Variants in ARID2 observed in about 807,000 individuals in gnomAD.
The protein encoded by ARID2 is AT-rich interactive domain-containing protein 2.
Under a neutral mutation model 184.6 loss-of-function variants are expected in ARID2, and 32 were observed. That is an observed-to-expected ratio of 0.17 (90% CI 0.13 to 0.23). The LOEUF (loss-of-function observed/expected upper bound fraction) is 0.23. Ranked by LOEUF, ARID2 falls within the 10% of genes least tolerant of loss-of-function variation. ARID2 has a pLI of 1.00. For synonymous variants in ARID2, 836 were observed against 772.6 expected (o/e 1.08, Z -1.36); for missense variants, 1,696 against 2,197.6 (o/e 0.77, Z 4.56).
intron 2 of ARID2, among the ~76,000 whole-genome samples, 165 bp from the exon 3 acceptor site, chr12:45,731,052 G>C (rs193164625): frequency 1.3e-5 from 2 of 151,924 alleles, no homozygotes; most frequent in Admixed American, 1.3e-4. Context: ...TGAAAACACA[G>C]TGATTCAAGA....
intron 4 of ARID2, among the ~76,000 whole-genome samples, chr12:45,812,197 C>T (rs573454309): frequency 9.3e-5 from 14 of 150,332 alleles, no homozygotes; most frequent in Non-Finnish European, 1.5e-4. Flanking sequence ...CACTCACTAA[C>T]ATTTGGCCTA....
Position 45,901,154 on chromosome 12 carries a change from A to ATTTTTTTTTTT in ARID2, c.5364-3756_5364-3746dup, listed in dbSNP as rs71067909. On this transcript the variant is annotated intron_variant, in intron 20 of 20. Coordinates refer to ENST00000334344, the MANE Select transcript of ARID2 (RefSeq NM_152641.4). ...AATCTATTTTTTGGAAATTTCCTTAATTTTTTTTTTTTTTTTTTTTTTTTT... is the reference window on the plus strand; with the variant it reads ...AATCTATTTTTTGGAAATTTCCTTAATTTTTTTTTTTTTTTTTTTTTTTTTTTTTTTTTTTT... 1.3e-3 allele frequency among the ~76,000 whole-genome samples: 58 copies of ATTTTTTTTTTT among 44,966 alleles called. 4 individuals carry two copies. The highest frequency in any genetic ancestry group is 2.0e-3 in the African/African-American group (14 of 7,160). The allele number at this position is 44,966 out of a possible 152,430, so 29.5% of individuals were successfully genotyped here.
At chr12:45,779,773 C>T (rs1942055265) in intron 3 of ARID2, among the ~76,000 whole-genome samples, 1 of 151,912 alleles carries the variant, frequency 6.6e-6, no homozygotes, top group Non-Finnish European at 1.5e-5. Context: ...TGAAATAAAG[C>T]AGCTTTAAAA....
At chr12:45,782,194 A>G (rs1411879985) in intron 3 of ARID2, among the ~76,000 whole-genome samples, 2 of 152,196 alleles carry the variant, frequency 1.3e-5, no homozygotes, top group African/African-American at 4.8e-5. Flanking sequence ...TAAAAATAGA[A>G]TATTCACTAG....
At position 45,836,639 on chromosome 12, in the gene ARID2, C is replaced by T. The variant is rs1943225003; in HGVS notation, c.756C>T (p.Asp252=). 2 of 1,610,656 alleles carry T rather than the reference C, an allele frequency of 1.2e-6. No homozygotes were observed. Among genetic ancestry groups the T allele is most frequent in the African/African-American group, 1.3e-5 (1 of 74,786 alleles). ...DDNEVRDLIS[D]RNKSHEGTSG... ...ATGAAGTTCGTGACCTCATTTCTGA[C>T]AGAAACAAGTCTCATGGTAAGTTAG... The change falls in exon 7 of 21, where the codon GAC becomes GAT. Residue 252 remains aspartate, a synonymous_variant. Coordinates refer to ENST00000334344, the MANE Select transcript of ARID2 (RefSeq NM_152641.4).
At chr12:45,869,236 C>T (rs1316470645) in intron 16 of ARID2, among the ~76,000 whole-genome samples, 5 of 151,996 alleles carry the variant, frequency 3.3e-5, no homozygotes, top group African/African-American at 4.8e-5. Flanking sequence ...AGGCTGGTCT[C>T]GAACTCCTGA....
chr12:45,847,534 A>C, intron 12 of ARID2, among the ~76,000 whole-genome samples: 1 of 152,088 alleles, frequency 6.6e-6, no homozygotes, highest in East Asian at 1.9e-4. Context: ...TAAAAATTTC[A>C]CTTGTTATGG....
At chr12:45,801,516 A>G (rs1310645058) in intron 3 of ARID2, among the ~76,000 whole-genome samples, 1 of 152,206 alleles carries the variant, frequency 6.6e-6, no homozygotes, top group Admixed American at 6.5e-5. Flanking sequence ...CAACCTTAAC[A>G]ACAAAGTAAT....
rs577114008 is a variant in ARID2, at chr12:45,855,138, T to C, written c.4773+2242T>C. Among the ~76,000 whole-genome samples, 5 of 152,346 alleles carry C rather than the reference T, an allele frequency of 3.3e-5. No individual in the cohort carries two copies. In the South Asian group the frequency reaches 1.0e-3, roughly 32 times the overall value. ...ATTAAATGATCATTTTAGGACATTA[T>C]TGCTAAAACTCATTGGTTATTTGAG... is the stretch of plus-strand genomic sequence containing the variant. On this transcript the variant is annotated intron_variant, in intron 15 of 20. Transcript: ENST00000334344.
chr12:45,821,197 G>T (rs955527937), intron 5 of ARID2, among the ~76,000 whole-genome samples: 1 of 151,898 alleles, frequency 6.6e-6, no homozygotes, highest in Admixed American at 6.6e-5. Flanking sequence ...TTATGAAAAA[G>T]AGTCTATATT....
rs2138177310 is a variant in ARID2, at chr12:45,852,260, TA to T, written c.4141del (p.Thr1381LeufsTer5). Reference sequence around the variant, plus strand: ...ATTTAAGCAAAAACATTCCAAATCATAAAACTTCCAATCATGTAGGAAATGG... The same window carrying T: ...ATTTAAGCAAAAACATTCCAAATCATAAACTTCCAATCATGTAGGAAATGG... ...SHLSKNIPNHKTSNHVGNGEI... is the reference protein window; with the variant it reads ...SHLSKNIPNHXTSNHVGNGEI... On this transcript the variant is annotated frameshift_variant, in exon 15 of 21. Coordinates refer to ENST00000334344, the MANE Select transcript of ARID2 (RefSeq NM_152641.4). LOFTEE classifies it high-confidence loss of function. The T allele has an allele frequency of 6.2e-7, 1 of 1,614,064 alleles. No homozygotes were observed. The highest frequency in any genetic ancestry group is 8.5e-7 in the Non-Finnish European group (1 of 1,179,986).
At chr12:45,794,143 C>A (rs188708417) in intron 3 of ARID2, among the ~76,000 whole-genome samples, 123 of 152,240 alleles carry the variant, frequency 8.1e-4, no homozygotes, top group African/African-American at 2.8e-3. Context: ...AATCAGAACA[C>A]GTTTCTGTTC....
chr12:45,872,670 C>T (rs553348059), intron 16 of ARID2, among the ~76,000 whole-genome samples: 13 of 152,188 alleles, frequency 8.5e-5, no homozygotes, highest in Non-Finnish European at 1.3e-4. Context: ...AACAGCAGCA[C>T]GGGCGTAACC....
intron 3 of ARID2, among the ~76,000 whole-genome samples, chr12:45,756,692 C>A (rs180836335): frequency 1.2e-4 from 18 of 152,312 alleles, no homozygotes; most frequent in African/African-American, 3.8e-4. Flanking sequence ...GGAGGCTGGG[C>A]ACAGTGGCTC....
chr12:45,780,037 G>C (rs1301251643), intron 3 of ARID2, among the ~76,000 whole-genome samples: 2 of 152,172 alleles, frequency 1.3e-5, no homozygotes, highest in African/African-American at 4.8e-5. Flanking sequence ...GATTGTGAAA[G>C]TTAATACATG....
At chr12:45,743,352 G>A (rs1941298717) in intron 3 of ARID2, among the ~76,000 whole-genome samples, 1 of 152,066 alleles carries the variant, frequency 6.6e-6, no homozygotes, top group African/African-American at 2.4e-5. Context: ...CTGGGTGACT[G>A]AGCAAGACTC....
intron 16 of ARID2, among the ~76,000 whole-genome samples, chr12:45,888,905 G>A (rs1226301270): frequency 1.3e-5 from 2 of 152,088 alleles, no homozygotes; most frequent in African/African-American, 2.4e-5. Context: ...TTGTACAAAG[G>A]GGCTGGGCTT....
At chr12:45,755,007 G>A (rs1179396284) in intron 3 of ARID2, among the ~76,000 whole-genome samples, 5 of 152,146 alleles carry the variant, frequency 3.3e-5, no homozygotes, top group Admixed American at 2.0e-4. Context: ...GAAGATGGGG[G>A]ACTTTTTAGA....
chr12:45,859,013 T>C (rs78766000), intron 15 of ARID2, among the ~76,000 whole-genome samples: 3 of 152,366 alleles, frequency 2.0e-5, no homozygotes, highest in African/African-American at 2.4e-5. Flanking sequence ...CTTTCATTTG[T>C]ATGTCATAGT....
Sources: allele counts gnomAD v4.1 joint callset (sites outside exome capture counted in the v4.1 genomes callset), GRCh38; gene constraint gnomAD v4.1.1; transcripts MANE v1.5; gene names NCBI Gene and HGNC (gene_info 2026-07-23, HGNC 2026-07-21).